SEMA3C: variants seen among roughly 807,000 people sequenced by gnomAD.
SEMA3C encodes semaphorin 3C, also known as semaphorin-3C.
SEMA3C carries 47 observed loss-of-function variants against 89.4 expected under a neutral mutation model. The observed-to-expected ratio is 0.53, with a 90% CI of 0.42 to 0.67. SEMA3C has a LOEUF of 0.67. Ranked by LOEUF, SEMA3C falls within the 30% of genes least tolerant of loss-of-function variation. SEMA3C has a pLI of 0.00. For synonymous variants in SEMA3C, 310 were observed against 320.2 expected, an observed-to-expected ratio of 0.97 and a Z score of 0.34; for missense variants, 839 against 929.1, an observed-to-expected ratio of 0.90 and a Z score of 1.26.
chr7:80,859,393 C>T (rs753732317), intron 2 of SEMA3C, among the ~76,000 whole-genome samples: 6 of 152,064 alleles, frequency 3.9e-5, no homozygotes, highest in East Asian at 1.9e-4. Flanking sequence ...AAAAAGTACC[C>T]GATGAGCTCC....
intron 4 of SEMA3C, among the ~76,000 whole-genome samples, chr7:80,821,593 G>C (rs1372782558): frequency 4.6e-5 from 7 of 152,268 alleles, no homozygotes; most frequent in South Asian, 4.1e-4. Flanking sequence ...CTAATTTTTT[G>C]TATTTTTAGT....
rs991707155 is a variant in SEMA3C at position 80,743,025 on chromosome 7, A to G, written c.*1869T>C. 4 of 151,968 alleles carry G rather than the reference A, an allele frequency of 2.6e-5. No individual in the cohort carries two copies. Among genetic ancestry groups the G allele is most frequent in the Non-Finnish European group, 5.9e-5 (4 of 67,838 alleles). 9.4% of individuals were successfully genotyped at this position (151,968 alleles called of 1,614,324 possible). A position where few individuals can be genotyped will look rare whatever the true frequency, so the allele number is the denominator to read the frequency against. On this transcript the variant is annotated 3_prime_UTR_variant, in exon 18 of 18. Coordinates refer to ENST00000265361, the MANE Select transcript of SEMA3C (RefSeq NM_006379.5). ...AAATAAAGGGAACTGTGACTCTGAA[A>G]CAATTTTACTTTTAACTTTGAGAAT...
At chr7:80,821,566 T>C (rs1022075173) in intron 4 of SEMA3C, among the ~76,000 whole-genome samples, 1 of 152,136 alleles carries the variant, frequency 6.6e-6, no homozygotes, top group Admixed American at 6.5e-5. Flanking sequence ...ACTACAGGCA[T>C]GTGCCACCAC....
intron 2 of SEMA3C, among the ~76,000 whole-genome samples, chr7:80,899,260 C>T (rs536076527): frequency 1.4e-4 from 21 of 152,266 alleles, no homozygotes; most frequent in South Asian, 2.1e-4. Context: ...AGGCTGGTCT[C>T]GAACTCCTGA....
chr7:80,825,501 C>G (rs1027286820), intron 4 of SEMA3C, among the ~76,000 whole-genome samples: 1 of 152,188 alleles, frequency 6.6e-6, no homozygotes, highest in East Asian at 1.9e-4. Context: ...TATCTAATAA[C>G]GTTTAATTGT....
At chr7:80,810,798 C>A in intron 5 of SEMA3C, 97 bp from the exon 6 acceptor site, 1 of 922,156 alleles carries the variant, frequency 1.1e-6, no homozygotes, top group Non-Finnish European at 1.7e-6. Context: ...AATTAATATG[C>A]TTTCTAGTTG....
At chr7:80,823,171 T>C (rs1409839372) in intron 4 of SEMA3C, among the ~76,000 whole-genome samples, 2 of 152,180 alleles carry the variant, frequency 1.3e-5, no homozygotes, top group Admixed American at 1.3e-4. Flanking sequence ...GTTTCAGTAG[T>C]GCAATTTACT....
chr7:80,876,121 T>C (rs1791195873), intron 2 of SEMA3C, among the ~76,000 whole-genome samples: 1 of 152,196 alleles, frequency 6.6e-6, no homozygotes, highest in African/African-American at 2.4e-5. Context: ...CTCAGGCATC[T>C]GCTGGGGGTC....
upstream of SEMA3C, chr7:80,919,282 T>C: frequency 2.0e-6 from 2 of 984,000 alleles, no homozygotes; most frequent in Non-Finnish European, 2.4e-6. Flanking sequence ...AGCTCGCGGC[T>C]GGCCAGACGC....
At chr7:80,893,895 AACAACGTT>A (rs1482367842) in intron 2 of SEMA3C, among the ~76,000 whole-genome samples, 1 of 149,016 alleles carries the variant, frequency 6.7e-6, no homozygotes, top group Non-Finnish European at 1.5e-5. Flanking sequence ...TTAAAATGTA[AACAACGTT>A]ACAACGTTAT....
chr7:80,821,402 C>T (rs900015154), intron 4 of SEMA3C, among the ~76,000 whole-genome samples: 2 of 152,068 alleles, frequency 1.3e-5, no homozygotes, highest in Non-Finnish European at 2.9e-5. Context: ...TGTCATTGGA[C>T]GAGAAGTCCA....
At chr7:80,755,210 G>T (rs904650404) in intron 15 of SEMA3C, among the ~76,000 whole-genome samples, 1 of 151,290 alleles carries the variant, frequency 6.6e-6, no homozygotes, top group African/African-American at 2.4e-5. Context: ...TCATTTCTTT[G>T]TTTATTAAAA....
chr7:80,784,021 C>T (rs1471296983), intron 12 of SEMA3C, among the ~76,000 whole-genome samples: 2 of 152,104 alleles, frequency 1.3e-5, no homozygotes, highest in Non-Finnish European at 2.9e-5. Context: ...TCATCAAAAA[C>T]CACGTCATTC....
chr7:80,745,285 A>G lies in SEMA3C; in HGVS notation c.1865T>C (p.Ile622Thr). The change falls in exon 18 of 18, where the codon ATA (isoleucine) becomes ACA (threonine). Residue 622 changes from isoleucine (I) to threonine (T), a missense_variant. Ile to Thr is a moderately conservative substitution (Grantham distance 89). Transcript: ENST00000265361. ...RKEVKLNERI[I>T]ATSQGLLIRS... Reference sequence around the variant, plus strand: ...GATCAGGAGTCCCTGTGAAGTGGCTATTATTCGTTCATTCAGCTTAACCTA... The same window carrying G: ...GATCAGGAGTCCCTGTGAAGTGGCTGTTATTCGTTCATTCAGCTTAACCTA... 6.2e-7 allele frequency: 1 copy of G among 1,613,744 alleles called. No homozygotes were observed.
chr7:80,766,770 G>C (rs1332704170), intron 12 of SEMA3C, among the ~76,000 whole-genome samples: 2 of 152,176 alleles, frequency 1.3e-5, no homozygotes, highest in Admixed American at 6.5e-5. Context: ...AAGATCTCAG[G>C]AGCTGAGTGA....
chr7:80,857,568 T>C (rs1790670425), intron 2 of SEMA3C, among the ~76,000 whole-genome samples: 1 of 152,148 alleles, frequency 6.6e-6, no homozygotes, highest in African/African-American at 2.4e-5. Flanking sequence ...TTAGTAGCCA[T>C]AAAGTGCTAC....
chr7:80,840,059 T>C lies in SEMA3C; in HGVS notation c.104-11314A>G, dbSNP rs1256817160. 2.0e-5 allele frequency among the ~76,000 whole-genome samples: 3 copies of C among 151,488 alleles called. 1 individual carries two copies. Among genetic ancestry groups the C allele is most frequent in the African/African-American group, 7.3e-5 (3 of 40,858 alleles). ...AAGTCTCTTGTCCCTCTCACCCTCA[T>C]AAAGTTCTGAACACAGCCCATAGCT... On this transcript the variant is annotated intron_variant, in intron 2 of 17. Transcript: ENST00000265361.
chr7:80,898,186 G>A (rs1178869637), intron 2 of SEMA3C, among the ~76,000 whole-genome samples: 3 of 151,922 alleles, frequency 2.0e-5, no homozygotes, highest in Non-Finnish European at 4.4e-5. Flanking sequence ...CCAACATGCT[G>A]AACCCCGCGT....
At chr7:80,808,027 G>A (rs1181613277) in intron 6 of SEMA3C, among the ~76,000 whole-genome samples, 3 of 152,126 alleles carry the variant, frequency 2.0e-5, no homozygotes, top group African/African-American at 7.2e-5. Flanking sequence ...TTACTCAAAT[G>A]TTAAAAGTAG....
Sources: gnomAD v4.1 joint callset for allele counts (sites outside exome capture counted in the v4.1 genomes callset) on GRCh38, gnomAD v4.1.1 for gene constraint, MANE v1.5 for transcripts, NCBI Gene and HGNC (gene_info 2026-07-23, HGNC 2026-07-21) for gene names.